The following ABHD2 variants were observed in gnomAD, a reference collection of about 807,000 sequenced individuals.
ABHD2 encodes the protein monoacylglycerol lipase ABHD2.
Under a neutral mutation model 48.1 loss-of-function variants are expected in ABHD2, and 20 were observed. The observed-to-expected ratio is 0.42, with a 90% CI of 0.29 to 0.60. The LOEUF (loss-of-function observed/expected upper bound fraction) is 0.60. ABHD2 is among the 20% of genes least tolerant of loss of function. ABHD2 has a pLI of 0.24. For missense variants in ABHD2, 405 were observed against 550.9 expected (o/e 0.74, Z 2.65); for synonymous variants, 209 against 214.2 (o/e 0.98, Z 0.21).
chr15:89,092,274 T>C lies in ABHD2; in HGVS notation c.-107+3711T>C, dbSNP rs187571842. 1.2e-4 allele frequency among the ~76,000 whole-genome samples: 18 copies of C among 152,242 alleles called. No individual in the cohort carries two copies. The highest frequency in any genetic ancestry group is 4.1e-4 in the African/African-American group (17 of 41,544). ...AATAAATAGCAGACAGGTGAAGAGC[T>C]TTTTAGAGAAGTGGAACGTTGGTAC... On this transcript the variant is annotated intron_variant, in intron 1 of 10. Transcript: ENST00000352732. The surrounding 1 kb of genome is among the most constrained non-coding windows in gnomAD (Gnocchi z 4.4).
intron 1 of ABHD2, among the ~76,000 whole-genome samples, chr15:89,107,245 CATG>C (rs922910397): frequency 3.3e-5 from 5 of 152,130 alleles, no homozygotes; most frequent in Non-Finnish European, 5.9e-5. Context: ...GTTTATGGGA[CATG>C]ATGATCACCA....
intron 4 of ABHD2, among the ~76,000 whole-genome samples, chr15:89,152,911 G>A (rs992157456): frequency 6.6e-6 from 1 of 152,148 alleles, no homozygotes; most frequent in Non-Finnish European, 1.5e-5. Context: ...CATGTCTTTT[G>A]CATTCTATAG....
In ABHD2 at chr15:89,179,893, C is replaced by A. The variant is rs562880133; in HGVS notation, c.722+3898C>A. The stretch of plus-strand genomic sequence containing the variant: ...ACATCCTAGCATTCTTTGAGCAAGG[C>A]CTTCCTGCCATGGGGAAGAGGCAGG... On this transcript the variant is annotated intron_variant, in intron 6 of 10. Coordinates refer to ENST00000352732, the MANE Select transcript of ABHD2 (RefSeq NM_152924.5). The surrounding 1 kb of genome is among the most constrained non-coding windows in gnomAD (Gnocchi z 4.3). 1.1e-4 allele frequency among the ~76,000 whole-genome samples: 16 copies of A among 152,238 alleles called. No individual in the cohort carries two copies. The highest frequency in any genetic ancestry group is 2.2e-4 in the Non-Finnish European group (15 of 68,028).
the ABHD2 span, among the ~76,000 whole-genome samples, chr15:89,044,933 CT>C: frequency 6.6e-6 from 1 of 150,428 alleles, no homozygotes; most frequent in African/African-American, 2.4e-5. Context: ...TCAATTTTGG[CT>C]TTTGTTGCCA....
At position 89,195,015 on chromosome 15, in the gene ABHD2, G is replaced by A. The variant is rs1461830336; in HGVS notation, c.1082-212G>A. ...GCTTTCTTCAGCTGGTGCCCATTCAGCTCCAAAGCCAAGCTGTACTCTAAA... is the reference window on the plus strand; with the variant it reads ...GCTTTCTTCAGCTGGTGCCCATTCAACTCCAAAGCCAAGCTGTACTCTAAA... On this transcript the variant is annotated intron_variant, in intron 10 of 10. Transcript: ENST00000352732. This position sits in a 1 kb window ranked among gnomAD's most constrained non-coding sequence, Gnocchi z 5.1. Among the ~76,000 whole-genome samples the A allele has an allele frequency of 2.6e-5, 4 of 152,188 alleles. No individual in the cohort carries two copies. Among genetic ancestry groups the A allele is most frequent in the African/African-American group, 9.7e-5 (4 of 41,450 alleles).
chr15:89,070,546 T>C, the ABHD2 span, among the ~76,000 whole-genome samples: 1 of 152,164 alleles, frequency 6.6e-6, no homozygotes, highest in Non-Finnish European at 1.5e-5. Context: ...GCCCTCCACA[T>C]ACCCCATGGG....
chr15:89,070,214 A>G, the ABHD2 span: 1 of 152,224 alleles, frequency 6.6e-6, no homozygotes, highest in Non-Finnish European at 1.5e-5. Flanking sequence ...ATTTTTCTTC[A>G]AACTCCTCCT....
At chr15:89,138,228 A>G (rs866691184) in intron 3 of ABHD2, among the ~76,000 whole-genome samples, 2 of 152,218 alleles carry the variant, frequency 1.3e-5, no homozygotes, top group Non-Finnish European at 2.9e-5. Flanking sequence ...ACACACATGC[A>G]TGCACATGCA....
At chr15:89,084,209 TAAA>T (rs3049684), upstream of ABHD2, among the ~76,000 whole-genome samples, 1,698 of 138,740 alleles carry the variant, frequency 0.012, 11 homozygotes, top group Middle Eastern at 0.035. The surrounding 1 kb of genome is among the most constrained non-coding windows in gnomAD (Gnocchi z 4.4). Context: ...TTTGCTAGTG[TAAA>T]AAAAAAAAAA....
Position 89,196,217 on chromosome 15 carries a change from A to G in ABHD2, c.*794A>G, listed in dbSNP as rs1281865532. The stretch of plus-strand genomic sequence containing the variant: ...TGGAAACATCTTTGCAGCTCGTTTT[A>G]TTGAAATTCATAATCAGGGGTGTCC... On this transcript the variant is annotated 3_prime_UTR_variant, in exon 11 of 11. Coordinates refer to ENST00000352732, the MANE Select transcript of ABHD2 (RefSeq NM_152924.5). The G allele has an allele frequency of 6.6e-6, 1 of 152,174 alleles. No individual in the cohort carries two copies. The allele number at this position is 152,174 out of a possible 1,614,324, so 9.4% of individuals were successfully genotyped here.
chr15:89,186,772 C>A lies in ABHD2; in HGVS notation c.815+1256C>A, dbSNP rs2051217747. Among the ~76,000 whole-genome samples the A allele has an allele frequency of 6.6e-6, 1 of 152,196 alleles. No individual in the cohort carries two copies. The highest frequency in any genetic ancestry group is 1.5e-5 in the Non-Finnish European group (1 of 68,038). On this transcript the variant is annotated intron_variant, in intron 7 of 10. Coordinates refer to ENST00000352732, the MANE Select transcript of ABHD2 (RefSeq NM_152924.5). This position sits in a 1 kb window ranked among gnomAD's most constrained non-coding sequence, Gnocchi z 4.3. ...TATCACCCTAGAAAAAGCAATCTGA[C>A]TAAATGATCAATTTCTTGTTCTCTT... is the stretch of plus-strand genomic sequence containing the variant.
intron 6 of ABHD2, chr15:89,183,197 G>T (rs1050211301): frequency 2.0e-5 from 3 of 151,136 alleles, no homozygotes; most frequent in African/African-American, 7.3e-5. Context: ...TGGAAGTGCT[G>T]TTTGTTTGTT....
rs1273737222 is a variant in ABHD2, at chr15:89,179,660, T to A, written c.722+3665T>A. 6.6e-6 allele frequency among the ~76,000 whole-genome samples: 1 copy of A among 152,196 alleles called. No homozygotes were observed. The highest frequency in any genetic ancestry group is 1.5e-5 in the Non-Finnish European group (1 of 68,028). On this transcript the variant is annotated intron_variant, in intron 6 of 10. Coordinates refer to ENST00000352732, the MANE Select transcript of ABHD2 (RefSeq NM_152924.5). The surrounding 1 kb of genome is among the most constrained non-coding windows in gnomAD (Gnocchi z 4.3). ...TTATAAATGTAATGTGCTTGAATCATCCTGAAGCCATCCCCCTGCCCCTGC... is the reference window on the plus strand; with the variant it reads ...TTATAAATGTAATGTGCTTGAATCAACCTGAAGCCATCCCCCTGCCCCTGC...
chr15:89,181,789 T>C (rs1023498717), intron 6 of ABHD2, among the ~76,000 whole-genome samples: 1 of 152,260 alleles, frequency 6.6e-6, no homozygotes, highest in African/African-American at 2.4e-5. Flanking sequence ...ACTGGAAAGC[T>C]GAGCCTTCTC....
At position 89,092,997 on chromosome 15, in the gene ABHD2, G is replaced by A. The variant is rs1261503266; in HGVS notation, c.-107+4434G>A. On this transcript the variant is annotated intron_variant, in intron 1 of 10. Coordinates refer to ENST00000352732, the MANE Select transcript of ABHD2 (RefSeq NM_152924.5). This position sits in a 1 kb window ranked among gnomAD's most constrained non-coding sequence, Gnocchi z 4.4. ...AGGGGAGCTTCTAAAGGTCAGCTGA[G>A]AAGGGAGAGCTGGGGCACTGGAGAG... Among the ~76,000 whole-genome samples, 1 of 152,072 alleles carries A rather than the reference G, an allele frequency of 6.6e-6. No homozygotes were observed. The highest frequency in any genetic ancestry group is 1.5e-5 in the Non-Finnish European group (1 of 68,014).
chr15:89,148,393 A>G (rs2050533525), intron 3 of ABHD2, among the ~76,000 whole-genome samples: 1 of 152,250 alleles, frequency 6.6e-6, no homozygotes, highest in Non-Finnish European at 1.5e-5. Flanking sequence ...AAGTTGAAAC[A>G]AGATACCCAT....
chr15:89,150,479 AC>A (rs1375994230), intron 3 of ABHD2, among the ~76,000 whole-genome samples: 1 of 152,150 alleles, frequency 6.6e-6, no homozygotes, highest in Non-Finnish European at 1.5e-5. Context: ...CTGTGGTGTT[AC>A]GCTGGCAAGT....
At chr15:89,156,739 T>A (rs540173956) in intron 5 of ABHD2, among the ~76,000 whole-genome samples, 22 of 150,704 alleles carry the variant, frequency 1.5e-4, no homozygotes, top group African/African-American at 4.6e-4. Flanking sequence ...AAAAAAATCC[T>A]GTTTTAGCTA....
At chr15:89,080,734 G>A in the ABHD2 span, among the ~76,000 whole-genome samples, 13 of 144,494 alleles carry the variant, frequency 9.0e-5, no homozygotes, top group African/African-American at 1.5e-4. Flanking sequence ...TCACTCTGTC[G>A]CCCAGGCTGG....
Sources: allele counts gnomAD v4.1 joint callset (sites outside exome capture counted in the v4.1 genomes callset), GRCh38; gene constraint gnomAD v4.1.1; non-coding constraint Gnocchi (gnomAD v3.1); transcripts MANE v1.5; gene names NCBI Gene and HGNC (gene_info 2026-07-23, HGNC 2026-07-21).